The following IGF1 variants were observed in gnomAD, a reference collection of about 807,000 sequenced individuals.
The protein encoded by IGF1 is insulin-like growth factor 1.
In IGF1, 4 loss-of-function variants were observed where a neutral mutation model predicts 13.8. The ratio of observed to expected loss-of-function variants is 0.29; its 90% CI spans 0.14 to 0.66. IGF1 has a LOEUF of 0.66. IGF1 is among the 30% of genes least tolerant of loss of function. The pLI is 0.78. For missense variants in IGF1, 124 were observed against 188.5 expected, an observed-to-expected ratio of 0.66 and a Z score of 2.00; for synonymous variants, 76 against 72.6, an observed-to-expected ratio of 1.05 and a Z score of -0.23.
chr12:102,433,904 G>A (rs903534100), intron 2 of IGF1, among the ~76,000 whole-genome samples: 3 of 152,122 alleles, frequency 2.0e-5, no homozygotes, highest in African/African-American at 7.2e-5. Flanking sequence ...GAGAGCTTGA[G>A]ACAGCTTGTG....
intron 2 of IGF1, among the ~76,000 whole-genome samples, chr12:102,448,527 T>C: frequency 9.8e-6 from 1 of 101,682 alleles, no homozygotes; most frequent in African/African-American, 4.0e-5. Flanking sequence ...TATCACACTC[T>C]GGGGACTGTG....
At chr12:102,477,578 T>C (rs17882264) in intron 1 of IGF1, among the ~76,000 whole-genome samples, 8,700 of 150,604 alleles carry the variant, frequency 0.058, 333 homozygotes, top group Middle Eastern at 0.092. Flanking sequence ...GGTTTTCCTG[T>C]TCAATATTTC....
At chr12:102,418,088 A>G (rs993885758) in intron 3 of IGF1, 1 of 1,423,258 alleles carries the variant, frequency 7.0e-7, no homozygotes, top group Non-Finnish European at 9.6e-7. Context: ...CCCAGGCTCC[A>G]TATGATGCAG....
rs948342960 is a variant in IGF1 at position 102,398,537 on chromosome 12, T to A, written c.*3970A>T. ...ATGCTCTTGATCAAGTTCAGAAGAT[T>A]GGATAATATATTGCTAATTTTGCTA... On this transcript the variant is annotated 3_prime_UTR_variant, in exon 4 of 4. Transcript: ENST00000337514. 2.0e-5 allele frequency: 3 copies of A among 152,154 alleles called. No homozygotes were observed. Among genetic ancestry groups the A allele is most frequent in the African/African-American group, 7.2e-5 (3 of 41,436 alleles). The allele number at this position is 152,154 out of a possible 1,614,324, so 9.4% of individuals were successfully genotyped here. A position where few individuals can be genotyped will look rare whatever the true frequency, so the allele number is the denominator to read the frequency against.
In IGF1 at chr12:102,398,649, T is replaced by C. The variant is rs897349927; in HGVS notation, c.*3858A>G. On this transcript the variant is annotated 3_prime_UTR_variant, in exon 4 of 4. Transcript: ENST00000337514. ...CTGCACCCCCAAATTCACAATTTGG[T>C]GAACAGTACACTACTTGTGAGTGAT... The C allele has an allele frequency of 6.6e-6, 1 of 152,120 alleles. No individual in the cohort carries two copies. The highest frequency in any genetic ancestry group is 2.1e-4 in the South Asian group (1 of 4,824). 9.4% of individuals were successfully genotyped at this position (152,120 alleles called of 1,614,324 possible).
At chr12:102,409,495 C>T (rs142949124) in intron 3 of IGF1, among the ~76,000 whole-genome samples, 9 of 152,330 alleles carry the variant, frequency 5.9e-5, no homozygotes, top group African/African-American at 2.2e-4. Flanking sequence ...GAGTTCAGGT[C>T]AACAGCAAAT....
intron 2 of IGF1, among the ~76,000 whole-genome samples, chr12:102,429,391 A>G (rs1368656991): frequency 6.6e-6 from 1 of 152,234 alleles, no homozygotes; most frequent in East Asian, 1.9e-4. Context: ...CTCAAGGTCA[A>G]CTGAAGAGGT....
chr12:102,453,389 G>A (rs1313928785), intron 2 of IGF1, among the ~76,000 whole-genome samples: 1 of 152,146 alleles, frequency 6.6e-6, no homozygotes, highest in African/African-American at 2.4e-5. Flanking sequence ...TTTTCTTCAG[G>A]CCTCAGTTAG....
intron 2 of IGF1, among the ~76,000 whole-genome samples, chr12:102,453,984 G>A (rs945911078): frequency 7.9e-5 from 12 of 152,150 alleles, no homozygotes; most frequent in Admixed American, 6.5e-5. Context: ...GCATATAAGA[G>A]CTTGGAAAGT....
At chr12:102,409,338 C>T (rs952325608) in intron 3 of IGF1, among the ~76,000 whole-genome samples, 5 of 152,174 alleles carry the variant, frequency 3.3e-5, no homozygotes, top group Admixed American at 6.5e-5. Context: ...TTTGTCTCTC[C>T]ACTAAAACAT....
At chr12:102,403,592 G>A (rs1444064230) in intron 3 of IGF1, among the ~76,000 whole-genome samples, 1 of 149,894 alleles carries the variant, frequency 6.7e-6, no homozygotes, top group Non-Finnish European at 1.5e-5. Flanking sequence ...AAGTAGCTGG[G>A]ACCACAGGCG....
At chr12:102,458,919 A>G (rs989584403) in intron 2 of IGF1, among the ~76,000 whole-genome samples, 9 of 152,100 alleles carry the variant, frequency 5.9e-5, no homozygotes, top group African/African-American at 1.9e-4. Flanking sequence ...ATGTTGGAAT[A>G]TGTAGGGGGT....
chr12:102,448,057 A>G (rs1298149927), intron 2 of IGF1, among the ~76,000 whole-genome samples: 1 of 149,924 alleles, frequency 6.7e-6, no homozygotes, highest in African/African-American at 2.5e-5. Context: ...TCTATAAGGA[A>G]CTTAAACAAA....
intron 2 of IGF1, among the ~76,000 whole-genome samples, chr12:102,446,493 T>A (rs186263711): frequency 6.6e-6 from 1 of 152,330 alleles, no homozygotes. Context: ...TCTTCTAGAT[T>A]TTCTTGTTTC....
intron 2 of IGF1, among the ~76,000 whole-genome samples, chr12:102,460,175 A>G (rs1027925633): frequency 1.3e-5 from 2 of 152,216 alleles, no homozygotes; most frequent in Admixed American, 6.5e-5. Context: ...CTTGATTTTT[A>G]TATTTCCAAA....
chr12:102,459,465 C>T (rs11831436), intron 2 of IGF1, among the ~76,000 whole-genome samples: 7,123 of 151,708 alleles, frequency 0.047, 240 homozygotes, highest in African/African-American at 0.087. Context: ...AGTGATGGGA[C>T]TGGAAGGATC....
At chr12:102,475,894 G>A (rs554478010) in intron 1 of IGF1, 95 bp from the exon 2 acceptor site, 11 of 1,284,216 alleles carry the variant, frequency 8.6e-6, no homozygotes, top group Middle Eastern at 2.2e-4. Context: ...ACGATTCCAC[G>A]ACTGTCATTA....
intron 2 of IGF1, among the ~76,000 whole-genome samples, chr12:102,434,363 T>C (rs1382965524): frequency 1.4e-5 from 2 of 145,414 alleles, no homozygotes; most frequent in African/African-American, 2.5e-5. Flanking sequence ...TGTGATCTCA[T>C]TGTTCAATTC....
intron 2 of IGF1, among the ~76,000 whole-genome samples, chr12:102,440,762 C>T (rs957089846): frequency 2.7e-4 from 41 of 152,264 alleles, no homozygotes; most frequent in African/African-American, 8.9e-4. Flanking sequence ...TTCAGCATGT[C>T]AGTTTCCCCG....
Sources: allele counts gnomAD v4.1 joint callset (sites outside exome capture counted in the v4.1 genomes callset), GRCh38; gene constraint gnomAD v4.1.1; transcripts MANE v1.5; gene names NCBI Gene and HGNC (gene_info 2026-07-23, HGNC 2026-07-21).